Variants in RGS3 observed in about 807,000 individuals in gnomAD.
The protein encoded by RGS3 is regulator of G protein signaling 3, also known as regulator of G-protein signalling 3.
RGS3 carries 80 observed loss-of-function variants against 132.6 expected under a neutral mutation model. The observed-to-expected ratio is 0.60, with a 90% CI of 0.50 to 0.73. The LOEUF (loss-of-function observed/expected upper bound fraction) is 0.73, where lower values mean the gene tolerates loss of function less well. Among genes scored for constraint, RGS3 ranks in the 30% least tolerant of loss-of-function variants. The pLI, the probability that RGS3 is intolerant of heterozygous loss-of-function variation, is 0.00. For missense variants in RGS3, 1,382 were observed against 1,530.8 expected, an observed-to-expected ratio of 0.90 and a Z score of 1.62; for synonymous variants, 598 against 620.6, an observed-to-expected ratio of 0.96 and a Z score of 0.54.
chr9:113,524,786 A>G (rs927523238), intron 17 of RGS3, among the ~76,000 whole-genome samples: 2 of 152,132 alleles, frequency 1.3e-5, no homozygotes, highest in Admixed American at 6.5e-5. Context: ...GACCATGCCT[A>G]TATTATCCTG....
chr9:113,539,916 G>A (rs1588221183), intron 19 of RGS3, among the ~76,000 whole-genome samples: 1 of 152,226 alleles, frequency 6.6e-6, no homozygotes, highest in Non-Finnish European at 1.5e-5. Context: ...GGGACCTTCA[G>A]CAGCCGCTGG....
At chr9:113,514,762 G>A (rs984699908) in intron 15 of RGS3, 108 bp downstream of exon 13, 6 of 1,077,192 alleles carry the variant, frequency 5.6e-6, no homozygotes, top group Non-Finnish European at 6.6e-6. Context: ...TGAGGGCCCT[G>A]TTTTGGGAAA....
At chr9:113,514,626 A>G (rs1831562336) in exon 15 of RGS3, 3 of 1,613,648 alleles carry the variant, frequency 1.9e-6, no homozygotes, top group Admixed American at 3.3e-5. Context: ...CTGGCCCCCA[A>G]AGTCCTGGTG....
intron 24 of RGS3, among the ~76,000 whole-genome samples, chr9:113,596,500 C>T (rs1221610648): frequency 6.6e-6 from 1 of 152,204 alleles, no homozygotes; most frequent in Non-Finnish European, 1.5e-5. Flanking sequence ...AAGTCACACA[C>T]CCAGGTGTGG....
exon 25 of RGS3, chr9:113,597,136 A>C: frequency 1.7e-6 from 1 of 588,090 alleles, no homozygotes; most frequent in Middle Eastern, 4.5e-4. Context: ...GAGGAGTAGA[A>C]GGATGGGCCC....
intron 21 of RGS3, chr9:113,593,735 A>G (rs556263560): frequency 3.2e-6 from 2 of 620,574 alleles, no homozygotes; most frequent in Non-Finnish European, 5.8e-6. Context: ...CTTTCTTGCC[A>G]GCAGTTTCAC....
chr9:113,501,488 A>G (rs912846011), intron 10 of RGS3: 9 of 1,515,022 alleles, frequency 5.9e-6, no homozygotes, highest in Non-Finnish European at 8.0e-6. Context: ...CAGGGTGCTC[A>G]TGCCAGGCTG....
At chr9:113,535,745 G>T (rs1412471309) in intron 18 of RGS3, among the ~76,000 whole-genome samples, 3 of 152,108 alleles carry the variant, frequency 2.0e-5, no homozygotes, top group African/African-American at 7.2e-5. Context: ...GGGATCAGCT[G>T]ATGCTCTTAG....
chr9:113,573,828 GC>G (rs980107947), intron 19 of RGS3, among the ~76,000 whole-genome samples: 1 of 152,166 alleles, frequency 6.6e-6, no homozygotes, highest in African/African-American at 2.4e-5. Context: ...ACAGAGCCAG[GC>G]CCAGGTTTGT....
intron 19 of RGS3, among the ~76,000 whole-genome samples, chr9:113,553,306 G>T (rs1003283113): frequency 6.7e-6 from 1 of 149,984 alleles, no homozygotes; most frequent in Non-Finnish European, 1.5e-5. Flanking sequence ...ATCCAGGCAT[G>T]GTGGCATGTG....
intron 1 of RGS3, among the ~76,000 whole-genome samples, chr9:113,453,044 T>TATATAATATATAAATATTATATATAAA (rs1380127175): frequency 7.5e-6 from 1 of 133,354 alleles, no homozygotes; most frequent in East Asian, 2.0e-4. Flanking sequence ...ATATATATAA[T>TATATAATATATAAATATTATATATAAA]ATATAATATA....
chr9:113,545,797 C>T (rs889437914), intron 19 of RGS3, among the ~76,000 whole-genome samples: 2 of 152,202 alleles, frequency 1.3e-5, no homozygotes. Context: ...CTCATGCAGA[C>T]TTACAAGGTG....
At chr9:113,470,453 T>C (rs1403511247) in intron 3 of RGS3, among the ~76,000 whole-genome samples, 1 of 152,238 alleles carries the variant, frequency 6.6e-6, no homozygotes, top group East Asian at 1.9e-4. Context: ...GATTTAGAAT[T>C]ATTATCTTTC....
chr9:113,460,986 T>C (rs1370106072), intron 1 of RGS3, among the ~76,000 whole-genome samples: 4 of 152,158 alleles, frequency 2.6e-5, no homozygotes, highest in African/African-American at 9.7e-5. Context: ...AGTGTATGTG[T>C]TTTGTGTGCA....
In RGS3 at chr9:113,594,013, C is replaced by T. The variant is rs111639946; in HGVS notation, c.3081-417C>T. 2.6e-3 allele frequency: 4,155 copies of T among 1,613,068 alleles called. 82 individuals are homozygous for T. The African/African-American group carries it at 0.046, about 18-fold the overall frequency. The stretch of plus-strand genomic sequence containing the variant: ...CCCTTGCAGACACATGCCCCTTTCA[C>T]GGCTCCCTCTCAGGGTTGGCCAGAA... On this transcript the variant is annotated intron_variant, in intron 21 of 24. Transcript: ENST00000350696.
chr9:113,531,777 C>G (rs1832478578), intron 18 of RGS3, among the ~76,000 whole-genome samples: 1 of 152,212 alleles, frequency 6.6e-6, no homozygotes, highest in Non-Finnish European at 1.5e-5. Context: ...CATAACCTCT[C>G]TGAGCCTTAG....
At chr9:113,535,383 G>T (rs1360057940) in intron 18 of RGS3, among the ~76,000 whole-genome samples, 2 of 152,174 alleles carry the variant, frequency 1.3e-5, no homozygotes, top group Non-Finnish European at 2.9e-5. Context: ...ATGTTGGCCA[G>T]GCTGTTCTCG....
intron 9 of RGS3, 99 bp from the exon 8 acceptor site, chr9:113,497,926 C>A: frequency 8.1e-7 from 1 of 1,230,028 alleles, no homozygotes; most frequent in Non-Finnish European, 1.2e-6. Flanking sequence ...CCTGGGCAGC[C>A]CCATGGGCCT....
At chr9:113,529,695 A>G (rs1832384761) in intron 18 of RGS3, among the ~76,000 whole-genome samples, 1 of 152,160 alleles carries the variant, frequency 6.6e-6, no homozygotes, top group Non-Finnish European at 1.5e-5. Context: ...GGGTCTTGTC[A>G]GTGTTTCAAA....
Sources: allele counts gnomAD v4.1 joint callset (sites outside exome capture counted in the v4.1 genomes callset), GRCh38; gene constraint gnomAD v4.1.1; transcripts MANE v1.5; gene names NCBI Gene and HGNC (gene_info 2026-07-23, HGNC 2026-07-21).